The following ANKRD18B variants were observed in gnomAD, a reference collection of about 807,000 sequenced individuals.
ANKRD18B encodes ankyrin repeat domain 18B.
Under a neutral mutation model 111.8 loss-of-function variants are expected in ANKRD18B, and 75 were observed. The ratio of observed to expected loss-of-function variants is 0.67; its 90% CI spans 0.56 to 0.81. ANKRD18B has a LOEUF of 0.81. ANKRD18B is among the 40% of genes least tolerant of loss of function. The pLI is 0.00. For synonymous variants in ANKRD18B, 356 were observed against 417.3 expected, an observed-to-expected ratio of 0.85 and a Z score of 1.79; for missense variants, 1,038 against 1,225.5, an observed-to-expected ratio of 0.85 and a Z score of 2.28.
At chr9:33,554,907 G>A (rs1430849221) in intron 12 of ANKRD18B, among the ~76,000 whole-genome samples, 1 of 151,680 alleles carries the variant, frequency 6.6e-6, no homozygotes, top group East Asian at 1.9e-4. Flanking sequence ...ATTGTGACAG[G>A]TTCATAACTT....
chr9:33,536,716 C>T (rs1563900767), intron 5 of ANKRD18B, among the ~76,000 whole-genome samples, 162 bp from the exon 6 acceptor site: 1 of 152,084 alleles, frequency 6.6e-6, no homozygotes, highest in Non-Finnish European at 1.5e-5. Context: ...TAATTAGAAG[C>T]TTAATAAGTT....
At chr9:33,527,309 T>TTTTGTTTG (rs68020937) in intron 1 of ANKRD18B, among the ~76,000 whole-genome samples, 65,586 of 144,360 alleles carry the variant, frequency 0.45, 14,632 homozygotes, top group South Asian at 0.52. Context: ...ATGTTTCTTT[T>TTTTGTTTG]TTTGTTTGTT....
intron 12 of ANKRD18B, 51 bp downstream of exon 12, chr9:33,550,630 C>T (rs1174942914): frequency 1.4e-6 from 2 of 1,442,430 alleles, no homozygotes; most frequent in Admixed American, 5.5e-5. Flanking sequence ...TGGTTGAATA[C>T]CAGTATCCTA....
At chr9:33,554,118 A>G (rs1294668562) in intron 12 of ANKRD18B, among the ~76,000 whole-genome samples, 2 of 151,366 alleles carry the variant, frequency 1.3e-5, no homozygotes, top group Non-Finnish European at 2.9e-5. Flanking sequence ...GACAAAATAT[A>G]CTGGCCCAAA....
intron 14 of ANKRD18B, among the ~76,000 whole-genome samples, chr9:33,558,460 G>A (rs1828560224): frequency 6.6e-6 from 1 of 152,026 alleles, no homozygotes; most frequent in South Asian, 2.1e-4. Context: ...TTGGTTTTTT[G>A]TTCCTGTGTT....
intron 17 of ANKRD18B, chr9:33,569,269 T>TC (rs1828733594): frequency 6.4e-6 from 1 of 155,064 alleles, no homozygotes; most frequent in African/African-American, 2.5e-5. Flanking sequence ...CACTTTTTTT[T>TC]TTTTTTTTTT....
At chr9:33,564,063 C>T (rs1587275966) in intron 14 of ANKRD18B, among the ~76,000 whole-genome samples, 1 of 152,162 alleles carries the variant, frequency 6.6e-6, no homozygotes, top group Non-Finnish European at 1.5e-5. Context: ...ACTCTTGGGC[C>T]CATGTCATCC....
At chr9:33,573,301 A>G (rs1400987416), downstream of ANKRD18B, 1 of 984,932 alleles carries the variant, frequency 1.0e-6, no homozygotes, top group African/African-American at 1.7e-5. Flanking sequence ...CCAAGAAACT[A>G]GCAAAGGGCC....
intron 9 of ANKRD18B, among the ~76,000 whole-genome samples, chr9:33,541,940 C>T (rs35884633): frequency 0.069 from 10,543 of 152,222 alleles, 522 homozygotes; most frequent in Non-Finnish European, 0.1. Context: ...CACCATCCTT[C>T]TCATGTAGAC....
intron 12 of ANKRD18B, among the ~76,000 whole-genome samples, chr9:33,553,378 G>A (rs945222003): frequency 6.6e-6 from 1 of 151,582 alleles, no homozygotes; most frequent in South Asian, 2.1e-4. Context: ...TAAATAAAAC[G>A]TTTTGTATAG....
chr9:33,528,278 G>A (rs931030052), intron 1 of ANKRD18B, among the ~76,000 whole-genome samples: 17 of 152,242 alleles, frequency 1.1e-4, no homozygotes, highest in African/African-American at 4.1e-4. Flanking sequence ...TCCAGCCTGG[G>A]CAAGAGAGCA....
chr9:33,563,592 T>A (rs1828644122), intron 14 of ANKRD18B, among the ~76,000 whole-genome samples: 1 of 150,338 alleles, frequency 6.7e-6, no homozygotes, highest in African/African-American at 2.5e-5. Flanking sequence ...GAGAAGGCCA[T>A]CAGTAAGGAT....
At chr9:33,528,445 C>A (rs57328821) in intron 1 of ANKRD18B, among the ~76,000 whole-genome samples, 16,384 of 152,178 alleles carry the variant, frequency 0.11, 1,066 homozygotes, top group Middle Eastern at 0.19. Flanking sequence ...GAAATTCAGG[C>A]ACAGAAAGGC....
chr9:33,537,760 C>T (rs1030646487), intron 6 of ANKRD18B, among the ~76,000 whole-genome samples: 4 of 152,090 alleles, frequency 2.6e-5, no homozygotes, highest in East Asian at 1.9e-4. Context: ...AATAACCTAC[C>T]GTTGACTGGA....
intron 1 of ANKRD18B, among the ~76,000 whole-genome samples, chr9:33,525,850 G>A (rs1240101600): frequency 2.7e-5 from 4 of 149,780 alleles, no homozygotes; most frequent in Non-Finnish European, 5.9e-5. Context: ...CTGATTATAT[G>A]TATAACAAAT....
intron 14 of ANKRD18B, among the ~76,000 whole-genome samples, chr9:33,562,298 A>G (rs1828618986): frequency 6.6e-6 from 1 of 151,562 alleles, no homozygotes; most frequent in African/African-American, 2.4e-5. Flanking sequence ...AGCTTTCCTC[A>G]GTGGAAATCA....
intron 17 of ANKRD18B, among the ~76,000 whole-genome samples, chr9:33,569,762 G>A (rs1828741847): frequency 6.6e-6 from 1 of 152,066 alleles, no homozygotes; most frequent in Non-Finnish European, 1.5e-5. Context: ...GGCCAGGTGT[G>A]GTGGCTCACG....
At chr9:33,575,129 G>A (rs1044184846), downstream of ANKRD18B, among the ~76,000 whole-genome samples, 1 of 152,174 alleles carries the variant, frequency 6.6e-6, no homozygotes, top group Non-Finnish European at 1.5e-5. Flanking sequence ...CTCACCGGGT[G>A]CCTGTTCTGT....
intron 15 of ANKRD18B, among the ~76,000 whole-genome samples, 180 bp downstream of exon 15, chr9:33,566,680 TA>T (rs1168696073): frequency 2.6e-5 from 4 of 152,152 alleles, no homozygotes; most frequent in African/African-American, 7.2e-5. Flanking sequence ...CCATTATTAT[TA>T]TAACAAAATC....
Sources: allele counts gnomAD v4.1 joint callset (sites outside exome capture counted in the v4.1 genomes callset), GRCh38; gene constraint gnomAD v4.1.1; transcripts MANE v1.5; gene names NCBI Gene and HGNC (gene_info 2026-07-23, HGNC 2026-07-21).